The following RSU1 variants were observed in gnomAD, a reference collection of about 807,000 sequenced individuals.
RSU1 encodes the protein rsu-1.
A neutral mutation model predicts 31.1 loss-of-function variants in RSU1; 26 were observed. The ratio of observed to expected loss-of-function variants is 0.84; its 90% CI spans 0.61 to 1.16. RSU1 has a LOEUF of 1.16. RSU1 is among the 50% of genes most tolerant of loss of function. RSU1 has a pLI of 0.00. For missense variants in RSU1, 320 were observed against 339.1 expected (o/e 0.94, Z 0.44); for synonymous variants, 164 against 136.3 (o/e 1.20, Z -1.41).
Position 16,755,776 on chromosome 10 carries a change from C to A in RSU1, c.282-787G>T, listed in dbSNP as rs374192122. Among the ~76,000 whole-genome samples, 16 of 152,254 alleles carry A rather than the reference C, an allele frequency of 1.1e-4. No homozygotes were observed. The South Asian group carries it at 2.1e-3, about 20-fold the overall frequency. ...CCCCTCTCCCTCCAGCCTGTGGTAA[C>A]CATTTTATTCCCTGTTTCGATGAGG... On this transcript the variant is annotated intron_variant, in intron 4 of 8. Transcript: ENST00000345264.
intron 8 of RSU1, among the ~76,000 whole-genome samples, chr10:16,677,598 T>C (rs914419526): frequency 5.3e-5 from 8 of 152,040 alleles, no homozygotes; most frequent in Middle Eastern, 3.4e-3. Context: ...TGTTTCCCCA[T>C]TTGCAGTTCT....
In RSU1 at chr10:16,722,353, C is replaced by G. The variant is rs191127544; in HGVS notation, c.599-27198G>C. On this transcript the variant is annotated intron_variant, in intron 7 of 8. Coordinates refer to ENST00000345264, the MANE Select transcript of RSU1 (RefSeq NM_012425.4). ...AAGAAAACAGATGAAAAGTAAGAAC[C>G]TCTGATCCAGGAAAAGGATTTGATG... Among the ~76,000 whole-genome samples, 3 of 152,180 alleles carry G rather than the reference C, an allele frequency of 2.0e-5. No individual in the cohort carries two copies. The East Asian group carries it at 5.8e-4, about 29-fold the overall frequency.
chr10:16,783,676 T>C (rs1402587327), intron 2 of RSU1, among the ~76,000 whole-genome samples: 1 of 151,938 alleles, frequency 6.6e-6, no homozygotes, highest in South Asian at 2.1e-4. Flanking sequence ...TTTTGTTTTG[T>C]TTTTTGTTTT....
At chr10:16,634,418 C>T (rs538848775) in intron 8 of RSU1, among the ~76,000 whole-genome samples, 7 of 152,252 alleles carry the variant, frequency 4.6e-5, no homozygotes, top group South Asian at 4.1e-4. Context: ...ATGCATCTCC[C>T]GGTATTTGTT....
At chr10:16,756,255 T>C (rs959595759) in intron 4 of RSU1, among the ~76,000 whole-genome samples, 1 of 152,126 alleles carries the variant, frequency 6.6e-6, no homozygotes, top group African/African-American at 2.4e-5. Context: ...ATTCTGGGGA[T>C]TGGCTGAACA....
chr10:16,664,027 G>C (rs1297565274), intron 8 of RSU1, among the ~76,000 whole-genome samples: 1 of 152,084 alleles, frequency 6.6e-6, no homozygotes, highest in African/African-American at 2.4e-5. Context: ...GAAGGGACTA[G>C]GGTTAAATAT....
At chr10:16,710,901 G>T (rs1026392307) in intron 7 of RSU1, among the ~76,000 whole-genome samples, 1 of 152,054 alleles carries the variant, frequency 6.6e-6, no homozygotes, top group African/African-American at 2.4e-5. Context: ...CCACTTATCA[G>T]TGAGAACATG....
chr10:16,706,688 C>G (rs1410900675), intron 7 of RSU1, among the ~76,000 whole-genome samples: 10 of 152,046 alleles, frequency 6.6e-5, no homozygotes, highest in African/African-American at 2.2e-4. Context: ...ATCTGGGTGG[C>G]TAGTATTCAT....
intron 7 of RSU1, among the ~76,000 whole-genome samples, chr10:16,702,770 G>A (rs1007693729): frequency 1.3e-5 from 2 of 152,110 alleles, no homozygotes; most frequent in African/African-American, 4.8e-5. Flanking sequence ...AGTTAATGCT[G>A]GAATGAGTTA....
chr10:16,691,216 C>T (rs1057128571), intron 8 of RSU1, among the ~76,000 whole-genome samples: 3 of 151,918 alleles, frequency 2.0e-5, no homozygotes, highest in African/African-American at 7.3e-5. Flanking sequence ...ACTAAAAATC[C>T]CCTAATTATG....
chr10:16,769,304 G>C (rs1837377128), intron 3 of RSU1, among the ~76,000 whole-genome samples: 1 of 152,210 alleles, frequency 6.6e-6, no homozygotes, highest in Non-Finnish European at 1.5e-5. Flanking sequence ...CTGTTGGACA[G>C]CCACTAGTTA....
chr10:16,663,645 T>C lies in RSU1; in HGVS notation c.731+31378A>G, dbSNP rs928489260. Among the ~76,000 whole-genome samples the C allele has an allele frequency of 2.0e-5, 3 of 152,144 alleles. No individual in the cohort carries two copies. In the South Asian group the frequency reaches 6.2e-4, roughly 32 times the overall value. On this transcript the variant is annotated intron_variant, in intron 8 of 8. Transcript: ENST00000345264. Reference sequence around the variant, plus strand: ...ATAGCCACTCGCCGCGCAGTACAACTACATGTGTCGTCAGTATGCAGAGGT... The same window carrying C: ...ATAGCCACTCGCCGCGCAGTACAACCACATGTGTCGTCAGTATGCAGAGGT...
At chr10:16,791,137 G>A (rs115108641) in intron 2 of RSU1, among the ~76,000 whole-genome samples, 7,674 of 151,934 alleles carry the variant, frequency 0.051, 233 homozygotes, top group East Asian at 0.081. Flanking sequence ...AGCAATTCTC[G>A]TGCCACAGCC....
chr10:16,607,577 T>C (rs1833825145), intron 8 of RSU1, among the ~76,000 whole-genome samples: 1 of 152,152 alleles, frequency 6.6e-6, no homozygotes, highest in African/African-American at 2.4e-5. Flanking sequence ...TGAGCACTGC[T>C]ACTCCCCATC....
chr10:16,611,365 C>T (rs1343124961), intron 8 of RSU1, among the ~76,000 whole-genome samples: 1 of 152,172 alleles, frequency 6.6e-6, no homozygotes, highest in African/African-American at 2.4e-5. Context: ...CTTAGAAATC[C>T]CCTGGTTATA....
intron 8 of RSU1, among the ~76,000 whole-genome samples, chr10:16,685,819 G>A (rs545032474): frequency 1.3e-5 from 2 of 152,276 alleles, no homozygotes; most frequent in East Asian, 1.9e-4. Flanking sequence ...AGATGGAGTC[G>A]CTCTGGTTCA....
chr10:16,653,328 G>C (rs185200642), intron 8 of RSU1, among the ~76,000 whole-genome samples: 2 of 152,194 alleles, frequency 1.3e-5, no homozygotes, highest in Admixed American at 1.3e-4. Context: ...TTAGGAAAGA[G>C]CTAGGATACA....
At chr10:16,628,092 C>A (rs1196244128) in intron 8 of RSU1, among the ~76,000 whole-genome samples, 1 of 152,192 alleles carries the variant, frequency 6.6e-6, no homozygotes, top group Non-Finnish European at 1.5e-5. Context: ...ACAGAGGGTA[C>A]TTCATTAGCC....
rs114932825 is a variant in RSU1, at chr10:16,752,322, G to C, written c.598+217C>G. 2.8e-3 allele frequency among the ~76,000 whole-genome samples: 426 copies of C among 152,254 alleles called. 3 individuals carry two copies. The highest frequency in any genetic ancestry group is 9.4e-3 in the African/African-American group (390 of 41,556). ...GTCATCTTTCATCAGCAGTTTCTAAGACAGGGGACACTACAGCTGCAGAAC... is the reference window on the plus strand; with the variant it reads ...GTCATCTTTCATCAGCAGTTTCTAACACAGGGGACACTACAGCTGCAGAAC... On this transcript the variant is annotated intron_variant, in intron 7 of 8. Transcript: ENST00000345264.
Sources: gnomAD v4.1 joint callset for allele counts (sites outside exome capture counted in the v4.1 genomes callset) on GRCh38, gnomAD v4.1.1 for gene constraint, MANE v1.5 for transcripts, NCBI Gene and HGNC (gene_info 2026-07-23, HGNC 2026-07-21) for gene names.